SRGAP2C: variants seen among roughly 807,000 people sequenced by gnomAD.
SRGAP2C encodes the protein SLIT-ROBO Rho GTPase-activating protein 2C.
A neutral mutation model predicts 25.1 loss-of-function variants in SRGAP2C; 15 were observed. The ratio of observed to expected loss-of-function variants is 0.60; its 90% CI spans 0.40 to 0.92. The LOEUF (loss-of-function observed/expected upper bound fraction) is 0.92, where lower values mean the gene tolerates loss of function less well. SRGAP2C is among the 40% of genes least tolerant of loss of function. The pLI, the probability that SRGAP2C is intolerant of heterozygous loss-of-function variation, is 0.00. For synonymous variants in SRGAP2C, 44 were observed against 96.6 expected (o/e 0.46, Z 3.19); for missense variants, 144 against 264.4 (o/e 0.54, Z 3.16).
intron 2 of SRGAP2C, among the ~76,000 whole-genome samples, chr1:121,195,062 GA>G (rs1215852928): frequency 7.1e-6 from 1 of 141,178 alleles, no homozygotes; most frequent in Admixed American, 7.1e-5. Flanking sequence ...AGAAAGAAAA[GA>G]AAAAAAATCA....
At position 121,196,289 on chromosome 1, in the gene SRGAP2C, A is replaced by G. The variant is rs1488216349; in HGVS notation, c.67+8776A>G. ...CAAGAGTGAAACTCCATCTCAAAAA[A>G]AAAAAAAAAAAGAAAAGAAAGAAAG... On this transcript the variant is annotated intron_variant, in intron 2 of 9. Coordinates refer to ENST00000367123, the MANE Select transcript of SRGAP2C (RefSeq NM_001329984.2). Among the ~76,000 whole-genome samples the G allele has an allele frequency of 2.8e-5, 2 of 71,722 alleles. 1 individual carries two copies. The highest frequency in any genetic ancestry group is 5.4e-5 in the Non-Finnish European group (2 of 37,358). The allele number at this position is 71,722 out of a possible 152,430, so 47.1% of individuals were successfully genotyped here.
chr1:121,340,408 G>C (rs1658624794), intron 4 of SRGAP2C, among the ~76,000 whole-genome samples: 1 of 151,318 alleles, frequency 6.6e-6, no homozygotes, highest in Non-Finnish European at 1.5e-5. Context: ...TCAAATTCAG[G>C]ACCACAAATA....
intron 4 of SRGAP2C, among the ~76,000 whole-genome samples, chr1:121,339,334 C>T (rs1373579398): frequency 6.6e-6 from 1 of 150,506 alleles, no homozygotes; most frequent in Non-Finnish European, 1.5e-5. Context: ...TCACTGCAAC[C>T]TCCGCCTCCC....
At chr1:121,235,176 C>G (rs1449746055) in intron 2 of SRGAP2C, among the ~76,000 whole-genome samples, 23 of 142,516 alleles carry the variant, frequency 1.6e-4, no homozygotes, top group Non-Finnish European at 3.0e-4. Context: ...TACAGGCGCC[C>G]GCCACCAGGC....
intron 2 of SRGAP2C, among the ~76,000 whole-genome samples, chr1:121,239,741 A>G (rs587609485): frequency 1.6e-4 from 24 of 152,084 alleles, no homozygotes; most frequent in African/African-American, 5.5e-4. Flanking sequence ...CCTGCTGCCT[A>G]TTTTTATGAA....
rs1553337903 is a variant in SRGAP2C at position 121,293,325 on chromosome 1, C to T, written c.260+8330C>T. 2.6e-4 allele frequency among the ~76,000 whole-genome samples: 35 copies of T among 133,910 alleles called. 1 individual carries two copies. The South Asian group carries it at 6.4e-3, about 25-fold the overall frequency. The allele number at this position is 133,910 out of a possible 152,430, so 87.9% of individuals were successfully genotyped here. ...ATTAAAGAGGTCTATGAATGCCAGG[C>T]GACAGGGTTCGGGCTTTATTCTGTA... On this transcript the variant is annotated intron_variant, in intron 3 of 9. Coordinates refer to ENST00000367123, the MANE Select transcript of SRGAP2C (RefSeq NM_001329984.2).
intron 3 of SRGAP2C, among the ~76,000 whole-genome samples, chr1:121,306,101 A>T (rs1289028645): frequency 2.0e-5 from 3 of 152,136 alleles, no homozygotes; most frequent in African/African-American, 7.2e-5. Flanking sequence ...TAAGGCTGGG[A>T]CCTCTGTGTC....
intron 2 of SRGAP2C, among the ~76,000 whole-genome samples, chr1:121,208,285 T>G (rs1278129106): frequency 6.6e-6 from 1 of 152,104 alleles, no homozygotes; most frequent in Non-Finnish European, 1.5e-5. Flanking sequence ...TGGGCCATAC[T>G]TGAAATGACG....
Position 121,375,094 on chromosome 1 carries a change from T to A in SRGAP2C, c.831+140T>A. On this transcript the variant is annotated intron_variant, in intron 7 of 9. Transcript: ENST00000367123. ...AGATAGCAGCCATGATCCATCAGAGTGCTTGCCAAGCACCATGTGAAACAC... is the reference window on the plus strand; with the variant it reads ...AGATAGCAGCCATGATCCATCAGAGAGCTTGCCAAGCACCATGTGAAACAC... The A allele has an allele frequency of 8.3e-6, 5 of 604,290 alleles. No individual in the cohort carries two copies. In the South Asian group the frequency reaches 1.0e-4, roughly 12 times the overall value. 37.4% of individuals were successfully genotyped at this position (604,290 alleles called of 1,614,324 possible).
At chr1:121,320,684 A>G (rs1186686872) in intron 3 of SRGAP2C, among the ~76,000 whole-genome samples, 2 of 151,452 alleles carry the variant, frequency 1.3e-5, no homozygotes, top group Admixed American at 6.6e-5. Flanking sequence ...TCTGATTAGC[A>G]TAGATAAGTT....
chr1:121,238,044 C>A (rs1230706300), intron 2 of SRGAP2C, among the ~76,000 whole-genome samples: 1 of 88,630 alleles, frequency 1.1e-5, no homozygotes, highest in Non-Finnish European at 2.3e-5. Context: ...TTTTAGCCTT[C>A]ATGTTATGTC....
At chr1:121,305,257 T>G (rs1199569188) in intron 3 of SRGAP2C, among the ~76,000 whole-genome samples, 4,050 of 151,258 alleles carry the variant, frequency 0.027, 79 homozygotes, top group South Asian at 0.044. Context: ...TTGTCTGTAC[T>G]GTTTACCAGC....
chr1:121,314,354 C>A (rs1658044430), intron 3 of SRGAP2C, among the ~76,000 whole-genome samples: 1 of 151,612 alleles, frequency 6.6e-6, no homozygotes, highest in Non-Finnish European at 1.5e-5. Flanking sequence ...TTTTCAACTT[C>A]TTTGCCTTTG....
intron 2 of SRGAP2C, among the ~76,000 whole-genome samples, chr1:121,254,388 C>T (rs1656408718): frequency 3.1e-5 from 2 of 65,206 alleles, no homozygotes; most frequent in South Asian, 7.4e-4. Flanking sequence ...CAGACCATTG[C>T]GTTAAAGCGT....
chr1:121,372,320 ATAAT>A (rs1326391294), intron 5 of SRGAP2C, among the ~76,000 whole-genome samples: 1 of 152,132 alleles, frequency 6.6e-6, no homozygotes, highest in Non-Finnish European at 1.5e-5. Context: ...TTTGGGCCAG[ATAAT>A]TAATTGTTGT....
intron 3 of SRGAP2C, among the ~76,000 whole-genome samples, chr1:121,320,837 C>T (rs1299288968): frequency 1.3e-5 from 2 of 151,970 alleles, no homozygotes; most frequent in African/African-American, 4.8e-5. Flanking sequence ...ATAGGCATCG[C>T]AACAACTGAT....
intron 2 of SRGAP2C, among the ~76,000 whole-genome samples, chr1:121,211,067 A>G (rs1368491257): frequency 6.9e-6 from 1 of 145,082 alleles, no homozygotes; most frequent in Non-Finnish European, 1.5e-5. Context: ...AGTTCCTTGA[A>G]AAGAAGGAAG....
At chr1:121,195,458 C>T (rs1553320461) in intron 2 of SRGAP2C, among the ~76,000 whole-genome samples, 1 of 151,072 alleles carries the variant, frequency 6.6e-6, no homozygotes, top group South Asian at 2.1e-4. Context: ...CTGAACTAGT[C>T]CTAGGGCCTC....
chr1:121,362,465 T>C (rs1348457753), intron 4 of SRGAP2C, among the ~76,000 whole-genome samples: 2 of 152,052 alleles, frequency 1.3e-5, no homozygotes, highest in Non-Finnish European at 2.9e-5. Flanking sequence ...CTGCCTGGGC[T>C]TAATTGCTGT....
Sources: gnomAD v4.1 joint callset for allele counts (sites outside exome capture counted in the v4.1 genomes callset) on GRCh38, gnomAD v4.1.1 for gene constraint, MANE v1.5 for transcripts, NCBI Gene and HGNC (gene_info 2026-07-23, HGNC 2026-07-21) for gene names.